NGEF: variants seen among roughly 807,000 people sequenced by gnomAD.
NGEF encodes the protein neuronal guanine nucleotide exchange factor.
Under a neutral mutation model 80.9 loss-of-function variants are expected in NGEF, and 31 were observed. The ratio of observed to expected loss-of-function variants is 0.38; its 90% CI spans 0.29 to 0.52. NGEF has a LOEUF of 0.52. NGEF is among the 20% of genes least tolerant of loss of function. The pLI, the probability that NGEF is intolerant of heterozygous loss-of-function variation, is 0.84. For missense variants in NGEF, 709 were observed against 926.2 expected (o/e 0.77, Z 3.04); for synonymous variants, 371 against 370.2 (o/e 1.00, Z -0.03).
intron 5 of NGEF, among the ~76,000 whole-genome samples, chr2:232,906,515 G>GTGTACCCAACAGCTCATT (rs1575008373): frequency 2.5e-5 from 1 of 40,548 alleles, no homozygotes; most frequent in Non-Finnish European, 5.0e-5. Context: ...CGTGTGGGAG[G>GTGTACCCAACAGCTCATT]GAGGTGGGGG....
intron 1 of NGEF, among the ~76,000 whole-genome samples, chr2:233,000,746 C>A (rs527868467): frequency 7.0e-6 from 1 of 143,760 alleles, no homozygotes; most frequent in Non-Finnish European, 1.5e-5. Flanking sequence ...GGCGACAGAG[C>A]GAGACTCTGT....
At chr2:232,965,612 G>T (rs1273871744) in intron 3 of NGEF, among the ~76,000 whole-genome samples, 4 of 152,148 alleles carry the variant, frequency 2.6e-5, no homozygotes, top group African/African-American at 9.7e-5. Flanking sequence ...AGCATGCCCA[G>T]GAGAAATGCA....
At chr2:232,891,127 C>T (rs1691869190) in intron 8 of NGEF, 1 of 618,466 alleles carries the variant, frequency 1.6e-6, no homozygotes. Context: ...TTTGGCTGTC[C>T]CCAGGGCCAT....
chr2:232,995,618 C>CTGTATATATATACA (rs376826955), intron 1 of NGEF, among the ~76,000 whole-genome samples: 532 of 66,740 alleles, frequency 8.0e-3, no homozygotes, highest in Middle Eastern at 0.029. Context: ...AGTATGTATA[C>CTGTATATATATACA]GTATGTATAC....
intron 1 of NGEF, among the ~76,000 whole-genome samples, chr2:233,001,992 A>G (rs1327583341): frequency 1.3e-5 from 2 of 152,152 alleles, no homozygotes; most frequent in Non-Finnish European, 2.9e-5. Flanking sequence ...CAACAGAGAG[A>G]GACTCTGTCT....
chr2:233,001,852 T>C (rs1321137859), intron 1 of NGEF, among the ~76,000 whole-genome samples: 1 of 151,838 alleles, frequency 6.6e-6, no homozygotes, highest in African/African-American at 2.4e-5. Context: ...CTGTCTCTAC[T>C]AAAAATACAA....
intron 3 of NGEF, among the ~76,000 whole-genome samples, chr2:232,961,621 T>G (rs932027627): frequency 1.3e-5 from 2 of 152,048 alleles, no homozygotes; most frequent in Non-Finnish European, 2.9e-5. Flanking sequence ...GCCTCCCGAG[T>G]AGCTGGGACT....
intron 3 of NGEF, among the ~76,000 whole-genome samples, chr2:232,956,791 A>T (rs1451774430): frequency 1.4e-5 from 2 of 147,650 alleles, no homozygotes; most frequent in Non-Finnish European, 3.0e-5. Context: ...TAAAAAAAAA[A>T]AAAAAAAAAA....
intron 6 of NGEF, 142 bp from the exon 7 acceptor site, chr2:232,893,192 G>T (rs562411920): frequency 2.6e-6 from 2 of 763,942 alleles, no homozygotes; most frequent in Non-Finnish European, 4.1e-6. Context: ...AAGATCCATC[G>T]GCAGGGGCAC....
intron 3 of NGEF, chr2:232,927,964 G>A: frequency 1.5e-6 from 2 of 1,308,872 alleles, no homozygotes; most frequent in Non-Finnish European, 1.9e-6. Context: ...GGTCCACGGC[G>A]CAGGCGGCGC....
intron 5 of NGEF, among the ~76,000 whole-genome samples, chr2:232,911,811 A>C (rs1160025738): frequency 1.3e-5 from 2 of 152,216 alleles, no homozygotes; most frequent in Non-Finnish European, 2.9e-5. Flanking sequence ...GTTCATTGCT[A>C]GAATATAGTG....
At chr2:232,923,080 AAC>A (rs1692979254) in intron 4 of NGEF, among the ~76,000 whole-genome samples, 1 of 151,846 alleles carries the variant, frequency 6.6e-6, no homozygotes, top group African/African-American at 2.4e-5. Context: ...CAGAAAAAAA[AAC>A]AAAAAACAAA....
At chr2:232,964,206 C>T (rs1158296542) in intron 3 of NGEF, among the ~76,000 whole-genome samples, 5 of 152,112 alleles carry the variant, frequency 3.3e-5, no homozygotes, top group Non-Finnish European at 5.9e-5. Flanking sequence ...TAAATGTACA[C>T]CTATTCTAAG....
At chr2:232,943,650 T>C (rs28445679) in intron 3 of NGEF, among the ~76,000 whole-genome samples, 10,576 of 150,254 alleles carry the variant, frequency 0.07, 642 homozygotes, top group African/African-American at 0.17. Context: ...CGCCCGCCAC[T>C]AGACCCGACT....
chr2:232,885,432 C>T, intron 9 of NGEF, 63 bp from the exon 10 acceptor site: 1 of 1,401,566 alleles, frequency 7.1e-7, no homozygotes, highest in Non-Finnish European at 1.0e-6. Context: ...CTTCCTCCAG[C>T]TCGGTCAGGC....
At chr2:232,880,052 G>T (rs890586029) in intron 14 of NGEF, among the ~76,000 whole-genome samples, 6 of 152,208 alleles carry the variant, frequency 3.9e-5, no homozygotes, top group African/African-American at 9.7e-5. Flanking sequence ...CCGAGCACGT[G>T]GTTAGCTGGC....
intron 5 of NGEF, among the ~76,000 whole-genome samples, chr2:232,895,801 C>A (rs964898071): frequency 6.6e-6 from 1 of 152,242 alleles, no homozygotes; most frequent in South Asian, 2.1e-4. Flanking sequence ...ATAATGGAAC[C>A]AATAAGGTGA....
At chr2:232,934,357 T>C (rs550299032) in intron 3 of NGEF, among the ~76,000 whole-genome samples, 8 of 151,732 alleles carry the variant, frequency 5.3e-5, no homozygotes, top group Admixed American at 3.9e-4. Flanking sequence ...AAATGGAAGC[T>C]ATTCCTTTTA....
chr2:233,011,118 G>T (rs1245378289), intron 1 of NGEF, among the ~76,000 whole-genome samples: 1 of 152,146 alleles, frequency 6.6e-6, no homozygotes, highest in Non-Finnish European at 1.5e-5. Flanking sequence ...TTTTCACCAA[G>T]CGGGGTTTCT....
Sources: gnomAD v4.1 joint callset for allele counts (sites outside exome capture counted in the v4.1 genomes callset) on GRCh38, gnomAD v4.1.1 for gene constraint, MANE v1.5 for transcripts, NCBI Gene and HGNC (gene_info 2026-07-23, HGNC 2026-07-21) for gene names.